IL4I1: variants seen among roughly 807,000 people sequenced by gnomAD.
IL4I1 encodes the protein L-amino-acid oxidase.
In IL4I1, 24 loss-of-function variants were observed where a neutral mutation model predicts 29.7. That is an observed-to-expected ratio of 0.81 (90% confidence interval 0.59 to 1.14). The LOEUF is 1.14. IL4I1 is among the 50% of genes most tolerant of loss of function. The pLI is 0.00. For missense variants in IL4I1, 686 were observed against 785.6 expected, an observed-to-expected ratio of 0.87 and a Z score of 1.52; for synonymous variants, 371 against 352.5, an observed-to-expected ratio of 1.05 and a Z score of -0.59.
At chr19:49,909,470 C>T in intron 2 of IL4I1, 1 of 1,614,160 alleles carries the variant, frequency 6.2e-7, no homozygotes, top group Admixed American at 1.7e-5. Flanking sequence ...CAGCCCAAAG[C>T]CGCTGGGGTT....
chr19:49,917,824 A>C (rs2075662922), intron 2 of IL4I1: 1 of 152,244 alleles, frequency 6.6e-6, no homozygotes, highest in African/African-American at 2.4e-5. Flanking sequence ...TGAGGTCAGG[A>C]GTTCGAGACC....
Position 49,889,814 on chromosome 19 carries a change from G to A in IL4I1, c.1560C>T (p.His520=), listed in dbSNP as rs767149871. 14 of 1,551,096 alleles carry A rather than the reference G, an allele frequency of 9.0e-6. No individual in the cohort carries two copies. The highest frequency in any genetic ancestry group is 2.8e-5 in the African/African-American group (2 of 72,676). Reference sequence around the variant, plus strand: ...GCCCCTGCCCCTCCATGTCAGATGCGTGCCCCTCGGGGCTGGCCGTGTCCG... The same window carrying A: ...GCCCCTGCCCCTCCATGTCAGATGCATGCCCCTCGGGGCTGGCCGTGTCCG... The part of the protein sequence containing the change: ...PASDTASPEG[H]ASDMEGQGHV... Residue 520 remains histidine, a synonymous_variant, in exon 8 of 8, where the codon CAC becomes CAT. Coordinates refer to ENST00000391826, the MANE Select transcript of IL4I1 (RefSeq NM_152899.2).
chr19:49,912,281 C>T (rs1313079315), intron 2 of IL4I1, among the ~76,000 whole-genome samples: 4 of 150,590 alleles, frequency 2.7e-5, no homozygotes, highest in East Asian at 2.0e-4. Flanking sequence ...GCGATTCTCT[C>T]GCCTCAGCTT....
At chr19:49,893,942 C>T (rs901346830) in intron 5 of IL4I1, among the ~76,000 whole-genome samples, 82 of 141,588 alleles carry the variant, frequency 5.8e-4, no homozygotes, top group Admixed American at 1.1e-3. Context: ...GCTGAAATGG[C>T]GCCATTGCAC....
intron 2 of IL4I1, chr19:49,908,060 G>A (rs774427219): frequency 2.1e-5 from 28 of 1,351,958 alleles, no homozygotes; most frequent in Admixed American, 2.6e-5. Context: ...TGGGCAGAAG[G>A]CCCAGAATAC....
rs187958037 is a variant in IL4I1, at chr19:49,896,351, G to T, written c.-22-169C>A. ...CCATTCCTTCAGAGTCCCCTGGACCGTCCCTGCCTCCCTCCTCACCGGTCT... is the reference window on the plus strand; with the variant it reads ...CCATTCCTTCAGAGTCCCCTGGACCTTCCCTGCCTCCCTCCTCACCGGTCT... On this transcript the variant is annotated intron_variant, in intron 1 of 7. Transcript: ENST00000391826. Among the ~76,000 whole-genome samples, 1,068 of 149,026 alleles carry T rather than the reference G, an allele frequency of 7.2e-3. 11 individuals are homozygous for T. The highest frequency in any genetic ancestry group is 0.027 in the African/African-American group (1,032 of 38,622).
At chr19:49,906,172 T>C (rs999410574) in intron 2 of IL4I1, among the ~76,000 whole-genome samples, 10 of 152,110 alleles carry the variant, frequency 6.6e-5, no homozygotes, top group African/African-American at 2.4e-4. Context: ...CTGTAACCAC[T>C]GGAATAGCGC....
chr19:49,908,530 C>T (rs751983023), intron 2 of IL4I1: 39 of 1,614,048 alleles, frequency 2.4e-5, no homozygotes, highest in Middle Eastern at 1.6e-4. Context: ...GCTCCTCATC[C>T]GCGTGCTGCA....
intron 2 of IL4I1, among the ~76,000 whole-genome samples, chr19:49,911,911 C>T (rs1477644931): frequency 2.0e-5 from 3 of 152,222 alleles, no homozygotes; most frequent in Non-Finnish European, 2.9e-5. Context: ...TCCATTCCTC[C>T]CGTTGTGGGA....
At chr19:49,891,682 C>G (rs1333653552) in intron 5 of IL4I1, among the ~76,000 whole-genome samples, 1 of 152,236 alleles carries the variant, frequency 6.6e-6, no homozygotes, top group Non-Finnish European at 1.5e-5. Flanking sequence ...TATTACCGAA[C>G]TGTTAACGCC....
At chr19:49,918,075 TTTC>T (rs1361092069) in intron 2 of IL4I1, among the ~76,000 whole-genome samples, 3,289 of 145,162 alleles carry the variant, frequency 0.023, 90 homozygotes, top group East Asian at 0.15. Flanking sequence ...TGCTTTCCTT[TTTC>T]TTTTTTTTTT....
chr19:49,908,085 A>G (rs1350893825), intron 2 of IL4I1: 1 of 1,456,716 alleles, frequency 6.9e-7, no homozygotes, highest in Non-Finnish European at 9.1e-7. Flanking sequence ...CTAAATGGAA[A>G]AACGCAAAGC....
At chr19:49,901,227 C>CA (rs970218931), upstream of IL4I1, among the ~76,000 whole-genome samples, 32 of 152,102 alleles carry the variant, frequency 2.1e-4, no homozygotes, top group African/African-American at 7.5e-4. Flanking sequence ...ACTAAAAATA[C>CA]AAAAAAATTA....
chr19:49,911,460 C>T (rs1044167), intron 2 of IL4I1: 45,567 of 152,052 alleles, frequency 0.3, 7,244 homozygotes, highest in East Asian at 0.41. Flanking sequence ...TTCCTCTTCC[C>T]TCTCTCCAGG....
At chr19:49,917,015 G>A (rs888440706) in intron 2 of IL4I1, among the ~76,000 whole-genome samples, 1 of 152,278 alleles carries the variant, frequency 6.6e-6, no homozygotes, top group Non-Finnish European at 1.5e-5. Context: ...GCAGAGCCCA[G>A]ATGCAAGACG....
chr19:49,915,157 T>G (rs926352374), intron 2 of IL4I1, among the ~76,000 whole-genome samples: 12 of 151,852 alleles, frequency 7.9e-5, no homozygotes, highest in South Asian at 2.1e-4. Flanking sequence ...GCTATGTGTG[T>G]GGGGGGGTAG....
Position 49,917,196 on chromosome 19 carries a change from G to A in IL4I1, c.-228+10498C>T, listed in dbSNP as rs535025864. On this transcript the variant is annotated intron_variant, in intron 2 of 9. Coordinates refer to the IL4I1 transcript ENST00000341114. The stretch of plus-strand genomic sequence containing the variant: ...AACAAGGGGAGATCAGAGATGGGCT[G>A]GGCTCAGCCCAGGGAAATTTGATTC... 6.6e-5 allele frequency among the ~76,000 whole-genome samples: 10 copies of A among 152,308 alleles called. No homozygotes were observed. In the East Asian group the frequency reaches 1.9e-3, roughly 29 times the overall value.
intron 3 of IL4I1, among the ~76,000 whole-genome samples, chr19:49,902,688 C>T (rs140513293): frequency 0.025 from 3,808 of 151,860 alleles, 165 homozygotes; most frequent in African/African-American, 0.087. Flanking sequence ...ATTAGCCAGG[C>T]GTGGTGGCGG....
At position 49,894,360 on chromosome 19, in the gene IL4I1, CCA is replaced by C. The variant is rs776496962; in HGVS notation, c.473_474del (p.Val158GlyfsTer49). ...CCCAGCTTCTCGGGCACCTTCTCCA[CCA>C]CATAGTTGCGCAGCTTCACTTCGTG... is the stretch of plus-strand genomic sequence containing the variant. ...EVHEVKLRNY[V>X]VEKVPEKLGY... On this transcript the variant is annotated frameshift_variant, in exon 5 of 8. Transcript: ENST00000391826. LOFTEE classifies it high-confidence loss of function. 1.9e-6 allele frequency: 3 copies of C among 1,614,244 alleles called. No homozygotes were observed. In the African/African-American group the frequency reaches 4.0e-5, roughly 22 times the overall value.
Sources: gnomAD v4.1 joint callset for allele counts (sites outside exome capture counted in the v4.1 genomes callset) on GRCh38, gnomAD v4.1.1 for gene constraint, MANE v1.5 for transcripts, NCBI Gene and HGNC (gene_info 2026-07-23, HGNC 2026-07-21) for gene names.